RICTOR: variants seen among roughly 807,000 people sequenced by gnomAD.
RICTOR encodes the protein RPTOR independent companion of MTOR complex 2.
In RICTOR, 49 loss-of-function variants were observed where a neutral mutation model predicts 214.9. That is an observed-to-expected ratio of 0.23 (90% CI 0.18 to 0.29). RICTOR has a LOEUF of 0.29. RICTOR is among the 10% of genes least tolerant of loss of function. RICTOR has a pLI of 1.00. For missense variants in RICTOR, 1,625 were observed against 2,047.0 expected, an observed-to-expected ratio of 0.79 and a Z score of 3.98; for synonymous variants, 717 against 711.3, an observed-to-expected ratio of 1.01 and a Z score of -0.13.
At chr5:38,954,746 A>G (rs1749096391) in intron 27 of RICTOR, 28 bp downstream of exon 27, 1 of 1,288,544 alleles carries the variant, frequency 7.8e-7, no homozygotes, top group Non-Finnish European at 1.1e-6. Context: ...TATTGTAGCT[A>G]CTTAAAATAA....
At chr5:39,009,700 T>C (rs1436776652) in intron 3 of RICTOR, among the ~76,000 whole-genome samples, 1 of 152,040 alleles carries the variant, frequency 6.6e-6, no homozygotes, top group African/African-American at 2.4e-5. Flanking sequence ...AAAAACCTTT[T>C]GAATTAGAAT....
intron 2 of RICTOR, among the ~76,000 whole-genome samples, chr5:39,039,729 C>G (rs947304660): frequency 7.9e-5 from 12 of 152,206 alleles, no homozygotes; most frequent in Non-Finnish European, 8.8e-5. Context: ...CTCATCATCA[C>G]TGGCCATCAG....
intron 27 of RICTOR, 134 bp from the exon 28 acceptor site, chr5:38,953,687 A>C (rs1748993047): frequency 2.9e-6 from 1 of 341,202 alleles, no homozygotes; most frequent in Non-Finnish European, 5.3e-6. Flanking sequence ...AATTTTATGT[A>C]AAATTTCTTG....
intron 3 of RICTOR, among the ~76,000 whole-genome samples, chr5:39,018,359 C>T (rs1275999783): frequency 1.3e-5 from 2 of 152,086 alleles, no homozygotes; most frequent in Admixed American, 1.3e-4. Flanking sequence ...ATATGGCACA[C>T]ATATGTAGTT....
At position 38,968,048 on chromosome 5, in the gene RICTOR, T is replaced by C. The variant is rs201415195; in HGVS notation, c.973-18A>G. 63 of 1,340,204 alleles carry C rather than the reference T, an allele frequency of 4.7e-5. 1 individual carries two copies. In the Admixed American group the frequency reaches 5.5e-4, roughly 12 times the overall value. The allele number at this position is 1,340,204 out of a possible 1,614,324, so 83.0% of individuals were successfully genotyped here. ...AGACCTCGCTAAATTAGCAAACAAATACACCTCATTTATTTTTATGAAACA... is the reference window on the plus strand; with the variant it reads ...AGACCTCGCTAAATTAGCAAACAAACACACCTCATTTATTTTTATGAAACA... On this transcript the variant is annotated intron_variant, in intron 11 of 37. Coordinates refer to ENST00000357387, the MANE Select transcript of RICTOR (RefSeq NM_152756.5).
intron 6 of RICTOR, among the ~76,000 whole-genome samples, chr5:38,992,308 C>T (rs1025485016): frequency 6.6e-6 from 1 of 152,034 alleles, no homozygotes; most frequent in Non-Finnish European, 1.5e-5. Flanking sequence ...ATCAATCTTC[C>T]TGGGTGAAAG....
At position 39,002,169 on chromosome 5, in the gene RICTOR, C is replaced by CA. The variant is rs70982532; in HGVS notation, c.392+365dup. Reference sequence around the variant, plus strand: ...ATTTATAAAATGAAATGTTACACAGCAAAAAAAAAAAAAAAAAAAATCAAC... The same window carrying CA: ...ATTTATAAAATGAAATGTTACACAGCAAAAAAAAAAAAAAAAAAAAATCAAC... On this transcript the variant is annotated intron_variant, in intron 5 of 37. Coordinates refer to ENST00000357387, the MANE Select transcript of RICTOR (RefSeq NM_152756.5). 5.7e-3 allele frequency among the ~76,000 whole-genome samples: 695 copies of CA among 122,526 alleles called. 7 individuals are homozygous for CA. Among genetic ancestry groups the CA allele is most frequent in the African/African-American group, 0.017 (546 of 31,844 alleles). 80.4% of individuals were successfully genotyped at this position (122,526 alleles called of 152,430 possible).
intron 16 of RICTOR, 30 bp downstream of exon 16, chr5:38,964,762 C>A: frequency 8.5e-7 from 1 of 1,170,476 alleles, no homozygotes; most frequent in Non-Finnish European, 1.2e-6. Flanking sequence ...ATATATCAAA[C>A]AAAAGCTTTG....
chr5:39,063,968 A>G (rs766206952), intron 2 of RICTOR, among the ~76,000 whole-genome samples: 3 of 152,204 alleles, frequency 2.0e-5, no homozygotes, highest in Non-Finnish European at 2.9e-5. Context: ...AATATCCTCA[A>G]TTTTATATTT....
At chr5:38,967,259 A>G in intron 13 of RICTOR, 32 bp from the exon 14 acceptor site, 1 of 1,604,018 alleles carries the variant, frequency 6.2e-7, no homozygotes, top group Non-Finnish European at 8.5e-7. Flanking sequence ...CAATTTAAAT[A>G]AAGTTTCATA....
At chr5:39,060,178 TG>T (rs1554013517) in intron 2 of RICTOR, among the ~76,000 whole-genome samples, 1 of 152,106 alleles carries the variant, frequency 6.6e-6, no homozygotes, top group Non-Finnish European at 1.5e-5. Context: ...TCACCTACTC[TG>T]AACTATGCTA....
chr5:39,004,357 AT>A (rs2150108732), intron 3 of RICTOR, among the ~76,000 whole-genome samples: 1 of 151,382 alleles, frequency 6.6e-6, no homozygotes, highest in South Asian at 2.1e-4. Context: ...GTTAGCTGCT[AT>A]TTTCCTCCAA....
rs1310735203 is a variant in RICTOR at position 38,958,845 on chromosome 5, T to C, written c.2179-14A>G. The stretch of plus-strand genomic sequence containing the variant: ...GAGTCTGCAGGCCTATAAGGATAAA[T>C]GAATACATTAAAAAAAAAAAAAACT... On this transcript the variant is annotated splice_polypyrimidine_tract_variant and intron_variant, in intron 22 of 37. Transcript: ENST00000357387. 2.0e-6 allele frequency: 3 copies of C among 1,494,086 alleles called. No homozygotes were observed. The African/African-American group carries it at 4.3e-5, about 22-fold the overall frequency. The allele number at this position is 1,494,086 out of a possible 1,614,324, so 92.6% of individuals were successfully genotyped here. A position where few individuals can be genotyped will look rare whatever the true frequency, so the allele number is the denominator to read the frequency against.
intron 31 of RICTOR, 108 bp downstream of exon 31, chr5:38,949,604 A>G (rs1359867707): frequency 1.8e-6 from 2 of 1,091,788 alleles, no homozygotes; most frequent in African/African-American, 1.6e-5. Flanking sequence ...AACAATTATA[A>G]TAGGTCAGTG....
chr5:39,029,754 T>C lies in RICTOR; in HGVS notation c.98-8618A>G, dbSNP rs914520958. On this transcript the variant is annotated intron_variant, in intron 2 of 37. Transcript: ENST00000357387. ...TTTCTCTACGTAAAGTGGAAATATT[T>C]GCCTACTTTAAAAATGCTTTTGCAA... Among the ~76,000 whole-genome samples the C allele has an allele frequency of 2.0e-5, 3 of 152,308 alleles. No homozygotes were observed. In the East Asian group the frequency reaches 5.8e-4, roughly 29 times the overall value.
chr5:38,945,622 G>A lies in RICTOR; in HGVS notation c.4502C>T (p.Ser1501Phe), dbSNP rs1748106855. The change falls in exon 34 of 38, where the codon TCT (serine) becomes TTT (phenylalanine). Residue 1501 changes from serine to phenylalanine, a missense_variant. By Grantham distance (155) the Ser-to-Phe change is radical (BLOSUM62 -2). Coordinates refer to ENST00000357387, the MANE Select transcript of RICTOR (RefSeq NM_152756.5). ...EIMNSIHSDASLFLESTEDTG... is the reference protein window; with the variant it reads ...EIMNSIHSDAFLFLESTEDTG... The stretch of plus-strand genomic sequence containing the variant: ...GTCTTCTGTACTTTCTAAAAACAGA[G>A]AGGCATCTGAATGGATTGAATTCAT... 1 of 1,613,178 alleles carries A rather than the reference G, an allele frequency of 6.2e-7. No individual in the cohort carries two copies. Among genetic ancestry groups the A allele is most frequent in the South Asian group, 1.1e-5 (1 of 91,064 alleles).
In RICTOR at chr5:38,942,905, C is replaced by G. The variant is rs200552342; in HGVS notation, c.4980G>C (p.Leu1660=). 5.6e-6 allele frequency: 9 copies of G among 1,608,490 alleles called. No individual in the cohort carries two copies. The East Asian group carries it at 2.0e-4, about 36-fold the overall frequency. ...ACGGAAGTCTGAATGTGCAGTGTGA[C>G]AGCAAATGGGAAACCTCAGAGTAAA... The part of the protein sequence containing the change: ...ICLYSEVSHL[L]SHCTFRLPCR... Residue 1660 remains leucine (L), a synonymous_variant, in exon 37 of 38, where the codon CTG becomes CTC. Coordinates refer to ENST00000357387, the MANE Select transcript of RICTOR (RefSeq NM_152756.5).
At chr5:38,958,332 T>G (rs1749488265) in intron 24 of RICTOR, 111 bp downstream of exon 24, 2 of 702,576 alleles carry the variant, frequency 2.8e-6, no homozygotes, top group Non-Finnish European at 5.0e-6. Context: ...GTTTCAATAT[T>G]AAAAGGTAAA....
chr5:39,006,216 T>C (rs1754040239), intron 3 of RICTOR, among the ~76,000 whole-genome samples: 1 of 152,228 alleles, frequency 6.6e-6, no homozygotes, highest in Admixed American at 6.5e-5. Context: ...TCTGAAAGGT[T>C]GGTGTCTGCA....
Sources: allele counts gnomAD v4.1 joint callset (sites outside exome capture counted in the v4.1 genomes callset), GRCh38; gene constraint gnomAD v4.1.1; transcripts MANE v1.5; gene names NCBI Gene and HGNC (gene_info 2026-07-23, HGNC 2026-07-21).